CACNA2D4: variants seen among roughly 807,000 people sequenced by gnomAD.
CACNA2D4 encodes the protein calcium voltage-gated channel auxiliary subunit alpha2delta 4, also known as voltage-dependent calcium channel subunit alpha-2/delta-4.
In CACNA2D4, 157 loss-of-function variants were observed where a neutral mutation model predicts 163.8. The observed-to-expected ratio is 0.96, with a 90% CI of 0.84 to 1.09. CACNA2D4 has a LOEUF of 1.09. Ranked by LOEUF, CACNA2D4 falls within the 50% of genes least tolerant of loss-of-function variation. CACNA2D4 has a pLI of 0.00. For synonymous variants in CACNA2D4, 598 were observed against 586.9 expected (o/e 1.02, Z -0.27); for missense variants, 1,410 against 1,479.9 (o/e 0.95, Z 0.78).
chr12:1,800,963 A>T (rs1420150212), intron 31 of CACNA2D4, 80 bp downstream of exon 31: 3 of 1,346,464 alleles, frequency 2.2e-6, no homozygotes, highest in African/African-American at 1.4e-5. Context: ...GGGTGAGAAC[A>T]GGGACCAGTG....
Position 1,844,292 on chromosome 12 carries a change from G to T in CACNA2D4, c.2470+110C>A. ...GCAGGAGGGGAACCCTGGTGGTCTGGACATTCTATTCCATATCTCGTTCCC... is the reference window on the plus strand; with the variant it reads ...GCAGGAGGGGAACCCTGGTGGTCTGTACATTCTATTCCATATCTCGTTCCC... On this transcript the variant is annotated intron_variant, in intron 25 of 37. Transcript: ENST00000382722. This position sits in a 1 kb window ranked among gnomAD's most constrained non-coding sequence, Gnocchi z 4.2. The T allele has an allele frequency of 7.5e-7, 1 of 1,327,854 alleles. No homozygotes were observed. Among genetic ancestry groups the T allele is most frequent in the Non-Finnish European group, 1.0e-6 (1 of 969,208 alleles). The allele number at this position is 1,327,854 out of a possible 1,614,324, so 82.3% of individuals were successfully genotyped here. A position where few individuals can be genotyped will look rare whatever the true frequency, so the allele number is the denominator to read the frequency against.
chr12:1,851,680 T>TGTGGG (rs55736421), intron 23 of CACNA2D4, among the ~76,000 whole-genome samples: 1 of 26,762 alleles, frequency 3.7e-5, no homozygotes, highest in African/African-American at 1.4e-4. Context: ...TGTGTGTGCG[T>TGTGGG]TTTTTTTTTT....
Position 1,884,754 on chromosome 12 carries a change from C to T in CACNA2D4, c.1272+14G>A, listed in dbSNP as rs559637881. 2.3e-5 allele frequency: 36 copies of T among 1,582,526 alleles called. No homozygotes were observed. Among genetic ancestry groups the T allele is most frequent in the Admixed American group, 6.7e-5 (4 of 59,432 alleles). On this transcript the variant is annotated intron_variant, in intron 11 of 37. Coordinates refer to ENST00000382722, the MANE Select transcript of CACNA2D4 (RefSeq NM_172364.5). ...AGAAGCTTTTTTCTCCCTGGACACC[C>T]GTGGGAGGGTCACCTTACAGTCTGG...
intron 29 of CACNA2D4, among the ~76,000 whole-genome samples, chr12:1,808,010 A>G (rs572757109): frequency 3.9e-5 from 6 of 152,080 alleles, no homozygotes; most frequent in Admixed American, 6.5e-5. Context: ...TAAAATATAA[A>G]TCTCTGAGTA....
At chr12:1,877,285 A>G (rs1865903278) in intron 16 of CACNA2D4, among the ~76,000 whole-genome samples, 1 of 152,172 alleles carries the variant, frequency 6.6e-6, no homozygotes, top group African/African-American at 2.4e-5. Context: ...CCTCAATTCT[A>G]CAAGTCAGCT....
At position 1,844,790 on chromosome 12, in the gene CACNA2D4, T is replaced by G. The variant is rs909037538; in HGVS notation, c.2343-261A>C. 2.6e-5 allele frequency among the ~76,000 whole-genome samples: 4 copies of G among 152,204 alleles called. No homozygotes were observed. Among genetic ancestry groups the G allele is most frequent in the Non-Finnish European group, 5.9e-5 (4 of 68,034 alleles). ...CTTTCCATTTTTATGTAAACTCTTT[T>G]GCCTGCAGGGATTCTTTCTTTTGGA... On this transcript the variant is annotated intron_variant, in intron 24 of 37. Transcript: ENST00000382722. The surrounding 1 kb of genome is among the most constrained non-coding windows in gnomAD (Gnocchi z 4.2).
At position 1,828,311 on chromosome 12, in the gene CACNA2D4, G is replaced by C. The variant is rs978483851; in HGVS notation, c.2551+12428C>G. ...CATATGGGACCTTAGCCACACTCAG[G>C]CTGCAGGGAGGCCTACGCCAGATCT... On this transcript the variant is annotated intron_variant, in intron 26 of 37. Transcript: ENST00000382722. This position sits in a 1 kb window ranked among gnomAD's most constrained non-coding sequence, Gnocchi z 4.2. 4 of 1,111,268 alleles carry C rather than the reference G, an allele frequency of 3.6e-6. No homozygotes were observed. The highest frequency in any genetic ancestry group is 5.7e-5 in the East Asian group (2 of 34,792). 68.8% of individuals were successfully genotyped at this position (1,111,268 alleles called of 1,614,324 possible).
At chr12:1,881,586 G>A (rs1866000039) in intron 13 of CACNA2D4, among the ~76,000 whole-genome samples, 1 of 152,232 alleles carries the variant, frequency 6.6e-6, no homozygotes, top group African/African-American at 2.4e-5. Flanking sequence ...TGGAGAGGAA[G>A]TGCAGGTGCC....
intron 34 of CACNA2D4, 47 bp from the exon 35 acceptor site, chr12:1,797,582 T>G: frequency 7.0e-7 from 1 of 1,420,962 alleles, no homozygotes; most frequent in African/African-American, 1.4e-5. Flanking sequence ...GCCTCTGGCC[T>G]GCGGTGACCT....
chr12:1,804,753 C>T (rs1565673712), intron 29 of CACNA2D4, among the ~76,000 whole-genome samples: 4 of 152,268 alleles, frequency 2.6e-5, no homozygotes, highest in African/African-American at 4.8e-5. Context: ...CATCCTCGCT[C>T]TTGCGCTCTG....
At position 1,909,982 on chromosome 12, in the gene CACNA2D4, C is replaced by CA; in HGVS notation, c.427-18dup. On this transcript the variant is annotated splice_polypyrimidine_tract_variant and intron_variant, in intron 3 of 37. Coordinates refer to ENST00000382722, the MANE Select transcript of CACNA2D4 (RefSeq NM_172364.5). ...CACCAGATTCTGAGGGATGGGAACACAGAGGTAGGGAGAATGGGTAAAAGG... is the reference window on the plus strand; with the variant it reads ...CACCAGATTCTGAGGGATGGGAACACAAGAGGTAGGGAGAATGGGTAAAAGG... The CA allele has an allele frequency of 1.2e-6, 2 of 1,612,204 alleles. No homozygotes were observed. The highest frequency in any genetic ancestry group is 1.7e-6 in the Non-Finnish European group (2 of 1,178,518).
chr12:1,803,311 C>G (rs1229520456), intron 29 of CACNA2D4, among the ~76,000 whole-genome samples: 5 of 152,210 alleles, frequency 3.3e-5, no homozygotes, highest in African/African-American at 1.2e-4. Context: ...GAGAAGTTCT[C>G]TCTCAAATAA....
chr12:1,839,709 T>C (rs1245303865), intron 26 of CACNA2D4, among the ~76,000 whole-genome samples: 3 of 152,196 alleles, frequency 2.0e-5, no homozygotes, highest in Non-Finnish European at 4.4e-5. Context: ...ACTGAGCTCA[T>C]GCCTCAGGGG....
chr12:1,915,078 C>T (rs1449126448), intron 1 of CACNA2D4, 143 bp from the exon 2 acceptor site: 2 of 723,094 alleles, frequency 2.8e-6, no homozygotes, highest in East Asian at 5.3e-5. Context: ...CTCCAACACA[C>T]AGACACATAA....
At chr12:1,864,269 C>G (rs962917089) in intron 18 of CACNA2D4, among the ~76,000 whole-genome samples, 2 of 152,192 alleles carry the variant, frequency 1.3e-5, no homozygotes, top group Admixed American at 6.5e-5. Flanking sequence ...GGAAACCAAC[C>G]CCGGACATTT....
At chr12:1,816,558 C>A (rs917896386) in intron 26 of CACNA2D4, among the ~76,000 whole-genome samples, 1 of 152,216 alleles carries the variant, frequency 6.6e-6, no homozygotes, top group African/African-American at 2.4e-5. Context: ...TGATCTCGTG[C>A]CTTCCTCCCA....
At chr12:1,895,493 G>T (rs1240356549) in intron 6 of CACNA2D4, among the ~76,000 whole-genome samples, 4 of 152,076 alleles carry the variant, frequency 2.6e-5, no homozygotes, top group Non-Finnish European at 5.9e-5. Context: ...TGACTTCAAA[G>T]TATGTTTCAA....
chr12:1,886,123 T>G, intron 8 of CACNA2D4, 84 bp from the exon 9 acceptor site: 2 of 1,535,042 alleles, frequency 1.3e-6, no homozygotes, highest in Admixed American at 3.4e-5. Context: ...AAGACACTCA[T>G]GCAGGTCACC....
At chr12:1,837,537 C>T (rs1056959913) in intron 26 of CACNA2D4, among the ~76,000 whole-genome samples, 8 of 152,158 alleles carry the variant, frequency 5.3e-5, no homozygotes, top group African/African-American at 1.9e-4. Context: ...CGAGAACCCC[C>T]TCCTCAGCTA....
Sources: gnomAD v4.1 joint callset for allele counts (sites outside exome capture counted in the v4.1 genomes callset) on GRCh38, gnomAD v4.1.1 for gene constraint, Gnocchi (gnomAD v3.1) non-coding constraint, MANE v1.5 for transcripts, NCBI Gene and HGNC (gene_info 2026-07-23, HGNC 2026-07-21) for gene names.